The following SUPT3H variants were observed in gnomAD, a reference collection of about 807,000 sequenced individuals.
The protein encoded by SUPT3H is transcription initiation protein SPT3 homolog.
A neutral mutation model predicts 44.3 loss-of-function variants in SUPT3H; 44 were observed. The ratio of observed to expected loss-of-function variants is 0.99; its 90% CI spans 0.78 to 1.28. SUPT3H has a LOEUF of 1.28. Ranked by LOEUF, SUPT3H falls within the 50% of genes most tolerant of loss-of-function variation. SUPT3H has a pLI of 0.00. For missense variants in SUPT3H, 380 were observed against 387.1 expected (o/e 0.98, Z 0.15); for synonymous variants, 124 against 125.6 (o/e 0.99, Z 0.09).
At chr6:44,893,351 A>G (rs969787574) in intron 10 of SUPT3H, among the ~76,000 whole-genome samples, 5 of 152,278 alleles carry the variant, frequency 3.3e-5, no homozygotes, top group East Asian at 1.9e-4. Flanking sequence ...AGCATTAGCT[A>G]TATCTCCCAA....
intron 2 of SUPT3H, among the ~76,000 whole-genome samples, chr6:45,327,413 TAAAG>T (rs1339320560): frequency 2.6e-5 from 4 of 152,086 alleles, no homozygotes; most frequent in Middle Eastern, 6.8e-3. Context: ...CTAAACTACT[TAAAG>T]AACTATATAA....
intron 6 of SUPT3H, among the ~76,000 whole-genome samples, chr6:44,972,957 T>C (rs533529794): frequency 6.6e-6 from 1 of 152,336 alleles, no homozygotes; most frequent in South Asian, 2.1e-4. Flanking sequence ...CGTGAAGACC[T>C]CTGACATGCC....
intron 2 of SUPT3H, among the ~76,000 whole-genome samples, chr6:45,187,948 T>C (rs1814519656): frequency 6.6e-6 from 1 of 152,186 alleles, no homozygotes; most frequent in Non-Finnish European, 1.5e-5. Flanking sequence ...ATTCAAGAAA[T>C]AAACAATTCA....
At chr6:44,888,029 T>C (rs1457301027) in intron 10 of SUPT3H, among the ~76,000 whole-genome samples, 2 of 152,254 alleles carry the variant, frequency 1.3e-5, no homozygotes, top group East Asian at 1.9e-4. Context: ...AATGGATAAA[T>C]TCCTGGACAC....
intron 6 of SUPT3H, among the ~76,000 whole-genome samples, chr6:44,977,630 T>C (rs1778520524): frequency 1.3e-5 from 2 of 152,134 alleles, no homozygotes; most frequent in Admixed American, 6.6e-5. Context: ...TTTTGTGGTT[T>C]TTCACCAAGG....
intron 2 of SUPT3H, among the ~76,000 whole-genome samples, chr6:45,127,720 T>C (rs943855398): frequency 2.1e-4 from 32 of 152,242 alleles, no homozygotes; most frequent in African/African-American, 6.8e-4. Context: ...TCTACTCTTA[T>C]GTTTACTATT....
chr6:45,019,013 C>G (rs1784722427), intron 4 of SUPT3H, among the ~76,000 whole-genome samples: 1 of 152,130 alleles, frequency 6.6e-6, no homozygotes. Flanking sequence ...TGATTATTGC[C>G]ACAATTTCAG....
chr6:45,325,741 A>G (rs527471563), intron 2 of SUPT3H, among the ~76,000 whole-genome samples: 6 of 151,990 alleles, frequency 3.9e-5, no homozygotes, highest in African/African-American at 1.4e-4. Context: ...GACTTTTCTA[A>G]ATCAGTATCT....
chr6:45,014,143 C>T lies in SUPT3H; in HGVS notation c.364+658G>A, dbSNP rs189753026. On this transcript the variant is annotated intron_variant, in intron 5 of 10. Coordinates refer to ENST00000371459, the MANE Select transcript of SUPT3H (RefSeq NM_003599.4). ...ACCTGAATATTTTACTTTATAATTT[C>T]TATCAACTGTTTTTTTTTTAAGTTT... is the stretch of plus-strand genomic sequence containing the variant. Among the ~76,000 whole-genome samples, 6 of 151,972 alleles carry T rather than the reference C, an allele frequency of 3.9e-5. No homozygotes were observed. The East Asian group carries it at 1.2e-3, about 29-fold the overall frequency.
At chr6:45,125,974 T>A (rs993656108) in intron 2 of SUPT3H, among the ~76,000 whole-genome samples, 5 of 152,162 alleles carry the variant, frequency 3.3e-5, no homozygotes, top group African/African-American at 7.2e-5. Flanking sequence ...GAGATTCACA[T>A]AGAATGTTGC....
intron 2 of SUPT3H, among the ~76,000 whole-genome samples, chr6:45,152,196 CCTCA>C (rs1304591304): frequency 6.6e-6 from 1 of 152,062 alleles, no homozygotes; most frequent in Non-Finnish European, 1.5e-5. Flanking sequence ...AAAAGTAGTT[CCTCA>C]CTATCTCATT....
chr6:45,331,922 T>G (rs1408650940), intron 2 of SUPT3H, among the ~76,000 whole-genome samples: 1 of 151,990 alleles, frequency 6.6e-6, no homozygotes, highest in East Asian at 1.9e-4. Context: ...AATGTTCCAG[T>G]TTGTTAAAAG....
chr6:44,895,687 G>GAT (rs1241302156), intron 10 of SUPT3H, among the ~76,000 whole-genome samples: 2 of 152,120 alleles, frequency 1.3e-5, no homozygotes, highest in Non-Finnish European at 2.9e-5. Context: ...CTGCAGTGAA[G>GAT]GGAATGGGAT....
rs902423294 is a variant in SUPT3H, at chr6:45,269,411, T to C, written c.101+95790A>G. On this transcript the variant is annotated intron_variant, in intron 2 of 10. Transcript: ENST00000371459. ...AAGAAACAATTACTTCCTCAGACTATACCATTTTAATCATCAAAATTATTA... is the reference window on the plus strand; with the variant it reads ...AAGAAACAATTACTTCCTCAGACTACACCATTTTAATCATCAAAATTATTA... 3.3e-5 allele frequency among the ~76,000 whole-genome samples: 5 copies of C among 152,340 alleles called. No homozygotes were observed. The South Asian group carries it at 8.3e-4, about 25-fold the overall frequency.
chr6:45,303,281 A>AT (rs747902556), intron 2 of SUPT3H, among the ~76,000 whole-genome samples: 1 of 152,230 alleles, frequency 6.6e-6, no homozygotes, highest in Non-Finnish European at 1.5e-5. Flanking sequence ...GACTTAATTA[A>AT]ACTAAAGAGC....
intron 3 of SUPT3H, among the ~76,000 whole-genome samples, chr6:45,087,813 T>C (rs1796661846): frequency 6.6e-6 from 1 of 152,020 alleles, no homozygotes; most frequent in Non-Finnish European, 1.5e-5. Flanking sequence ...TCATGTATTT[T>C]TCAAGAATGT....
At chr6:45,115,188 G>A (rs1447879967) in intron 2 of SUPT3H, among the ~76,000 whole-genome samples, 1 of 152,130 alleles carries the variant, frequency 6.6e-6, no homozygotes, top group Non-Finnish European at 1.5e-5. Flanking sequence ...CATAAACATG[G>A]AATCAGAGAG....
chr6:45,252,564 G>A (rs1772559476), intron 2 of SUPT3H, among the ~76,000 whole-genome samples: 1 of 151,804 alleles, frequency 6.6e-6, no homozygotes, highest in Admixed American at 6.6e-5. Flanking sequence ...TTCACATCCA[G>A]GAATGGCACA....
chr6:44,949,220 T>C (rs1343663779), intron 9 of SUPT3H, among the ~76,000 whole-genome samples: 5 of 151,240 alleles, frequency 3.3e-5, no homozygotes, highest in African/African-American at 9.7e-5. Context: ...GTGGGGAACA[T>C]CACACACCAG....
Sources: gnomAD v4.1 joint callset for allele counts (sites outside exome capture counted in the v4.1 genomes callset) on GRCh38, gnomAD v4.1.1 for gene constraint, MANE v1.5 for transcripts, NCBI Gene and HGNC (gene_info 2026-07-23, HGNC 2026-07-21) for gene names.